The following DYM variants were observed in gnomAD, a reference collection of about 807,000 sequenced individuals.
The protein encoded by DYM is dymeclin.
Under a neutral mutation model 93.1 loss-of-function variants are expected in DYM, and 78 were observed. The ratio of observed to expected loss-of-function variants is 0.84; its 90% CI spans 0.70 to 1.01. DYM has a LOEUF of 1.01. Among genes scored for constraint, DYM ranks in the 50% least tolerant of loss-of-function variants. The pLI is 0.00. For missense variants in DYM, 789 were observed against 845.0 expected, an observed-to-expected ratio of 0.93 and a Z score of 0.82; for synonymous variants, 321 against 319.7, an observed-to-expected ratio of 1.00 and a Z score of -0.04.
intron 17 of DYM, among the ~76,000 whole-genome samples, chr18:49,047,967 C>A (rs77442283): frequency 0.024 from 3,635 of 152,282 alleles, 39 homozygotes; most frequent in South Asian, 0.066. Context: ...GAAGGTAACT[C>A]GGAGCTCAGA....
chr18:49,281,219 CCAT>C, intron 10 of DYM, among the ~76,000 whole-genome samples: 1 of 152,286 alleles, frequency 6.6e-6, no homozygotes, highest in East Asian at 1.9e-4. Flanking sequence ...TCATCACTGG[CCAT>C]CAGAGAAATG....
intron 14 of DYM, among the ~76,000 whole-genome samples, chr18:49,169,828 A>G (rs901220590): frequency 2.0e-5 from 3 of 152,210 alleles, no homozygotes; most frequent in African/African-American, 7.2e-5. Context: ...AAAAGGATGG[A>G]CAGGAGATGA....
At chr18:49,333,181 G>A (rs1183133826) in intron 7 of DYM, among the ~76,000 whole-genome samples, 2 of 152,212 alleles carry the variant, frequency 1.3e-5, no homozygotes, top group Non-Finnish European at 2.9e-5. Flanking sequence ...ATATGTGTTG[G>A]TCATTTGCAT....
intron 6 of DYM, among the ~76,000 whole-genome samples, chr18:49,340,595 C>T (rs1200472760): frequency 1.3e-5 from 2 of 152,142 alleles, no homozygotes; most frequent in African/African-American, 2.4e-5. Context: ...AAGAATGTGA[C>T]ACATAGCCAA....
intron 14 of DYM, among the ~76,000 whole-genome samples, chr18:49,181,192 T>C (rs888693730): frequency 1.3e-5 from 2 of 152,088 alleles, no homozygotes; most frequent in Non-Finnish European, 1.5e-5. Context: ...TGTGCTCTGG[T>C]AAGAAAAAGT....
chr18:49,245,566 G>C (rs2094145597), intron 13 of DYM, among the ~76,000 whole-genome samples: 2 of 152,160 alleles, frequency 1.3e-5, no homozygotes, highest in South Asian at 4.2e-4. Flanking sequence ...CTAGCATTGG[G>C]AAATTCCAGC....
At chr18:49,321,767 A>C (rs949311180) in intron 8 of DYM, among the ~76,000 whole-genome samples, 1 of 152,150 alleles carries the variant, frequency 6.6e-6, no homozygotes, top group Non-Finnish European at 1.5e-5. Context: ...GGGGGAAAAA[A>C]GTCATTCTTT....
rs9956266 is a variant in DYM at position 49,384,344 on chromosome 18, G to A, written c.194-4586C>T. Reference sequence around the variant, plus strand: ...CTCCAAAAAAAAAAAAAAAAAAAAAGGCTGGGTGCAGTGAGTCACACCTGT... The same window carrying A: ...CTCCAAAAAAAAAAAAAAAAAAAAAAGCTGGGTGCAGTGAGTCACACCTGT... On this transcript the variant is annotated intron_variant, in intron 3 of 17. Coordinates refer to ENST00000675505, the MANE Select transcript of DYM (RefSeq NM_001353214.3). Among the ~76,000 whole-genome samples the A allele has an allele frequency of 7.4e-3, 856 of 116,316 alleles. 5 individuals carry two copies. Among genetic ancestry groups the A allele is most frequent in the African/African-American group, 0.027 (799 of 29,982 alleles). 76.3% of individuals were successfully genotyped at this position (116,316 alleles called of 152,430 possible).
intron 13 of DYM, among the ~76,000 whole-genome samples, chr18:49,217,307 G>A (rs2143856415): frequency 6.6e-6 from 1 of 152,304 alleles, no homozygotes; most frequent in African/African-American, 2.4e-5. Context: ...CGGGGAGGAT[G>A]GAACCAAGTT....
At chr18:49,306,434 G>A (rs759904868) in intron 8 of DYM, among the ~76,000 whole-genome samples, 5 of 152,130 alleles carry the variant, frequency 3.3e-5, no homozygotes, top group East Asian at 1.9e-4. Context: ...ATATTATCCC[G>A]CTTCTTGAAC....
intron 14 of DYM, among the ~76,000 whole-genome samples, chr18:49,182,883 T>C (rs577860833): frequency 6.6e-6 from 1 of 152,326 alleles, no homozygotes; most frequent in South Asian, 2.1e-4. Context: ...ATACTGTGTC[T>C]GTTTTGGTTG....
chr18:49,282,398 A>C (rs1239404244), intron 9 of DYM, among the ~76,000 whole-genome samples: 1 of 152,122 alleles, frequency 6.6e-6, no homozygotes, highest in African/African-American at 2.4e-5. Context: ...GTGGATCATG[A>C]GGTCAGAAGT....
At position 49,042,740 on chromosome 18, in the gene DYM, G is replaced by A. The variant is rs1053387358; in HGVS notation, c.*1315C>T. 3 of 152,198 alleles carry A rather than the reference G, an allele frequency of 2.0e-5. No individual in the cohort carries two copies. Among genetic ancestry groups the A allele is most frequent in the Non-Finnish European group, 4.4e-5 (3 of 68,038 alleles). The allele number at this position is 152,198 out of a possible 1,614,324, so 9.4% of individuals were successfully genotyped here. A position where few individuals can be genotyped will look rare whatever the true frequency, so the allele number is the denominator to read the frequency against. On this transcript the variant is annotated 3_prime_UTR_variant, in exon 18 of 18. Coordinates refer to ENST00000675505, the MANE Select transcript of DYM (RefSeq NM_001353214.3). ...TAGGCTCCTTATCTAGACTGTGAAG[G>A]GGCCCGTGAGGACACAGAGTGTGAC...
intron 14 of DYM, among the ~76,000 whole-genome samples, chr18:49,202,266 G>A (rs1271426462): frequency 6.6e-6 from 1 of 152,372 alleles, no homozygotes; most frequent in Middle Eastern, 3.4e-3. Context: ...CTTTTGGTCA[G>A]AGCAACACAC....
At chr18:49,443,638 T>C (rs1053450333) in intron 1 of DYM, among the ~76,000 whole-genome samples, 11 of 152,296 alleles carry the variant, frequency 7.2e-5, no homozygotes, top group African/African-American at 2.6e-4. Context: ...TATCCCGATA[T>C]GCCCTGCCAC....
chr18:49,106,790 G>T (rs911090732), intron 16 of DYM, among the ~76,000 whole-genome samples: 48 of 152,308 alleles, frequency 3.2e-4, no homozygotes, highest in African/African-American at 1.1e-3. Flanking sequence ...TAGTCTGATG[G>T]GCTTCCCTTT....
chr18:49,098,269 T>TA (rs1236856440), intron 16 of DYM, among the ~76,000 whole-genome samples: 1 of 152,198 alleles, frequency 6.6e-6, no homozygotes, highest in African/African-American at 2.4e-5. Flanking sequence ...TGCAAAAATA[T>TA]AAAAAATTAT....
At position 49,183,998 on chromosome 18, in the gene DYM, C is replaced by T. The variant is rs1223005296; in HGVS notation, c.1626-20211G>A. ...GGGCCCTCACCAGACCCCACTAGACCCCACCCTACTGGCACTTTGATCTTG... is the reference window on the plus strand; with the variant it reads ...GGGCCCTCACCAGACCCCACTAGACTCCACCCTACTGGCACTTTGATCTTG... On this transcript the variant is annotated intron_variant, in intron 14 of 17. Transcript: ENST00000675505. Among the ~76,000 whole-genome samples the T allele has an allele frequency of 3.3e-5, 5 of 152,124 alleles. No homozygotes were observed. In the East Asian group the frequency reaches 7.7e-4, roughly 23 times the overall value.
chr18:49,309,846 G>GAAGGATAAAGT (rs1049117945), intron 8 of DYM, among the ~76,000 whole-genome samples: 5 of 152,138 alleles, frequency 3.3e-5, no homozygotes, highest in Admixed American at 2.6e-4. Flanking sequence ...AAATCTCCCT[G>GAAGGATAAAGT]AAGGATAAAG....
Sources: gnomAD v4.1 joint callset for allele counts (sites outside exome capture counted in the v4.1 genomes callset) on GRCh38, gnomAD v4.1.1 for gene constraint, MANE v1.5 for transcripts, NCBI Gene and HGNC (gene_info 2026-07-23, HGNC 2026-07-21) for gene names.